The following OPCML variants were observed in gnomAD, a reference collection of about 807,000 sequenced individuals.
OPCML encodes opioid binding protein/cell adhesion molecule like.
In OPCML, 13 loss-of-function variants were observed where a neutral mutation model predicts 37.8. The ratio of observed to expected loss-of-function variants is 0.34; its 90% CI spans 0.22 to 0.55. OPCML has a LOEUF of 0.55. Ranked by LOEUF, OPCML falls within the 20% of genes least tolerant of loss-of-function variation. OPCML has a pLI of 0.91. For synonymous variants in OPCML, 176 were observed against 168.8 expected (o/e 1.04, Z -0.33); for missense variants, 341 against 435.6 (o/e 0.78, Z 1.93).
At chr11:133,130,670 G>A (rs1288608330) in intron 1 of OPCML, among the ~76,000 whole-genome samples, 7 of 152,086 alleles carry the variant, frequency 4.6e-5, no homozygotes, top group African/African-American at 1.7e-4. Flanking sequence ...AAGAGAACTG[G>A]TACTATCCAA....
rs1591579352 is a variant in OPCML, at chr11:132,579,725, C to T, written c.380-50539G>A. 2.6e-5 allele frequency among the ~76,000 whole-genome samples: 4 copies of T among 152,188 alleles called. No homozygotes were observed. In the South Asian group the frequency reaches 8.3e-4, roughly 32 times the overall value. ...TTGTTCTGAGAAAGACGATCGAGCT[C>T]TGATAGACTGAGACACGCTGAAGAC... is the stretch of plus-strand genomic sequence containing the variant. On this transcript the variant is annotated intron_variant, in intron 3 of 7. Transcript: ENST00000524381.
At chr11:133,283,352 A>G (rs778258370) in intron 1 of OPCML, among the ~76,000 whole-genome samples, 2 of 151,966 alleles carry the variant, frequency 1.3e-5, no homozygotes, top group Non-Finnish European at 2.9e-5. Context: ...TTGGCTATTT[A>G]AAAGAGTGTG....
intron 1 of OPCML, among the ~76,000 whole-genome samples, chr11:133,130,465 T>C (rs1411313868): frequency 1.3e-5 from 2 of 152,112 alleles, no homozygotes; most frequent in Non-Finnish European, 2.9e-5. Flanking sequence ...TAACATAATA[T>C]GCACAAGATC....
intron 1 of OPCML, among the ~76,000 whole-genome samples, chr11:133,450,215 T>C (rs1946554546): frequency 6.6e-6 from 1 of 151,738 alleles, no homozygotes; most frequent in Non-Finnish European, 1.5e-5. Flanking sequence ...TGAGAGATAA[T>C]AAACATCTAT....
chr11:133,488,784 A>T lies in OPCML; in HGVS notation c.61+43480T>A, dbSNP rs184586068. Among the ~76,000 whole-genome samples the T allele has an allele frequency of 3.4e-3, 515 of 152,230 alleles. 3 individuals carry two copies. Among genetic ancestry groups the T allele is most frequent in the African/African-American group, 0.012 (493 of 41,562 alleles). On this transcript the variant is annotated intron_variant, in intron 1 of 7. Transcript: ENST00000524381. The stretch of plus-strand genomic sequence containing the variant: ...TAGCCACAGCAATCCCAAGCAAAAG[A>T]ACAAAGCTGGAAGCATCACACTACA...
chr11:133,455,851 G>T (rs534931540), intron 1 of OPCML, among the ~76,000 whole-genome samples: 2 of 152,152 alleles, frequency 1.3e-5, no homozygotes, highest in Non-Finnish European at 2.9e-5. Flanking sequence ...ACAGTCAAAC[G>T]GTGGGAAATT....
intron 2 of OPCML, among the ~76,000 whole-genome samples, chr11:132,786,883 A>C (rs1167022088): frequency 1.3e-5 from 2 of 152,166 alleles, no homozygotes; most frequent in Non-Finnish European, 2.9e-5. Context: ...CAGGGTGTAC[A>C]GGAGGCTGGG....
Position 133,173,486 on chromosome 11 carries a change from A to G in OPCML, c.62-230476T>C, listed in dbSNP as rs912888746. 6.6e-6 allele frequency among the ~76,000 whole-genome samples: 1 copy of G among 152,210 alleles called. No homozygotes were observed. The highest frequency in any genetic ancestry group is 2.1e-4 in the South Asian group (1 of 4,836). On this transcript the variant is annotated intron_variant, in intron 1 of 7. Transcript: ENST00000524381. This position sits in a 1 kb window ranked among gnomAD's most constrained non-coding sequence, Gnocchi z 7.8. ...CACTAGCCACAGATGGATTCCTAGA[A>G]TCTACAGCAGAGTGTCCCCAACAAT...
chr11:133,034,641 A>C (rs1360639501), intron 1 of OPCML, among the ~76,000 whole-genome samples: 1 of 152,202 alleles, frequency 6.6e-6, no homozygotes, highest in African/African-American at 2.4e-5. Flanking sequence ...GTAGAGAATG[A>C]AAATAACTAC....
chr11:132,476,452 A>G (rs925062257), intron 4 of OPCML, among the ~76,000 whole-genome samples: 1 of 152,164 alleles, frequency 6.6e-6, no homozygotes, highest in Non-Finnish European at 1.5e-5. Flanking sequence ...AATGTCCAAC[A>G]ATGATAGACT....
At chr11:133,429,444 C>T (rs898894606) in intron 1 of OPCML, among the ~76,000 whole-genome samples, 13 of 152,180 alleles carry the variant, frequency 8.5e-5, no homozygotes, top group African/African-American at 2.9e-4. Context: ...CATTGGAAGG[C>T]ACGGGACAGA....
At chr11:133,007,426 A>G in intron 1 of OPCML, 4 of 985,312 alleles carry the variant, frequency 4.1e-6, no homozygotes, top group South Asian at 9.4e-5. Flanking sequence ...GAATGCTGTT[A>G]CCAGTTTTTT....
At chr11:133,398,919 C>G (rs1945343364) in intron 1 of OPCML, among the ~76,000 whole-genome samples, 1 of 152,136 alleles carries the variant, frequency 6.6e-6, no homozygotes, top group Admixed American at 6.5e-5. Flanking sequence ...TCCCAAAGAA[C>G]ATAGATTTAC....
At chr11:132,753,224 C>T (rs1945900910) in intron 2 of OPCML, among the ~76,000 whole-genome samples, 3 of 152,164 alleles carry the variant, frequency 2.0e-5, no homozygotes, top group Admixed American at 1.3e-4. Flanking sequence ...CCTACTGATA[C>T]ATTCTCCCAG....
At chr11:132,619,957 T>A (rs370141199) in intron 3 of OPCML, among the ~76,000 whole-genome samples, 3 of 152,176 alleles carry the variant, frequency 2.0e-5, no homozygotes, top group African/African-American at 7.2e-5. Flanking sequence ...CATTTGACAT[T>A]AAATCTATTT....
intron 2 of OPCML, among the ~76,000 whole-genome samples, chr11:132,838,354 A>C (rs1003312423): frequency 6.6e-6 from 1 of 152,220 alleles, no homozygotes; most frequent in Non-Finnish European, 1.5e-5. Context: ...AATAAACTAA[A>C]GGGAGTAAGG....
Position 133,253,145 on chromosome 11 carries a change from C to CAAA in OPCML, c.61+279116_61+279118dup, listed in dbSNP as rs549441502. Among the ~76,000 whole-genome samples, 302 of 99,126 alleles carry CAAA rather than the reference C, an allele frequency of 3.0e-3. 2 individuals carry two copies. The highest frequency in any genetic ancestry group is 0.026 in the South Asian group (74 of 2,820). The allele number at this position is 99,126 out of a possible 152,430, so 65.0% of individuals were successfully genotyped here. A position where few individuals can be genotyped will look rare whatever the true frequency, so the allele number is the denominator to read the frequency against. On this transcript the variant is annotated intron_variant, in intron 1 of 7. Transcript: ENST00000524381. Reference sequence around the variant, plus strand: ...TGGGTGACAGAGTGAGACTCTGTCTCAAAAAAAAAAAAAAAAGGAAAGAAA... The same window carrying CAAA: ...TGGGTGACAGAGTGAGACTCTGTCTCAAAAAAAAAAAAAAAAAAAGGAAAGAAA...
At chr11:132,748,594 G>T (rs1351696879) in intron 2 of OPCML, among the ~76,000 whole-genome samples, 1 of 152,210 alleles carries the variant, frequency 6.6e-6, no homozygotes. Flanking sequence ...AGGCTGGAAG[G>T]TGAGCGCTGG....
intron 2 of OPCML, among the ~76,000 whole-genome samples, chr11:132,756,786 CTTTTTT>C (rs1165114015): frequency 6.6e-6 from 1 of 151,960 alleles, no homozygotes; most frequent in Non-Finnish European, 1.5e-5. Context: ...TTTTCTTTTT[CTTTTTT>C]TATTATACTT....
Sources: allele counts gnomAD v4.1 joint callset (sites outside exome capture counted in the v4.1 genomes callset), GRCh38; gene constraint gnomAD v4.1.1; non-coding constraint Gnocchi (gnomAD v3.1); transcripts MANE v1.5; gene names NCBI Gene and HGNC (gene_info 2026-07-23, HGNC 2026-07-21).